Variants in PLCB1 observed in about 807,000 individuals in gnomAD.
PLCB1 encodes the protein 1-phosphatidylinositol 4,5-bisphosphate phosphodiesterase beta-1.
In PLCB1, 46 loss-of-function variants were observed where a neutral mutation model predicts 161.8. The observed-to-expected ratio is 0.28, with a 90% CI of 0.22 to 0.36. The LOEUF is 0.36. Among genes scored for constraint, PLCB1 ranks in the 10% least tolerant of loss-of-function variants. The probability of loss-of-function intolerance (pLI) is 1.00; values close to 1 mark genes in which losing one functional copy is unlikely to be tolerated. For missense variants in PLCB1, 1,016 were observed against 1,472.5 expected (o/e 0.69, Z 5.07); for synonymous variants, 517 against 503.7 (o/e 1.03, Z -0.35).
At chr20:8,732,617 G>T (rs117196138) in intron 18 of PLCB1, among the ~76,000 whole-genome samples, 8,946 of 139,834 alleles carry the variant, frequency 0.064, 401 homozygotes, top group Non-Finnish European at 0.095. Flanking sequence ...TTAGAAATTA[G>T]ATATTAGAAT....
At chr20:8,273,526 G>A (rs1325399956) in intron 2 of PLCB1, among the ~76,000 whole-genome samples, 2 of 152,022 alleles carry the variant, frequency 1.3e-5, no homozygotes, top group Admixed American at 6.6e-5. Flanking sequence ...ATATAGGCAG[G>A]CACTAATAGT....
At position 8,658,632 on chromosome 20, in the gene PLCB1, C is replaced by G; in HGVS notation, c.790C>G (p.Pro264Ala). Reference sequence around the variant, plus strand: ...TCCTCGGCTTAATGAAATACTTTATCCACCTCTAAAACAAGAGCAAGTCCA... The same window carrying G: ...TCCTCGGCTTAATGAAATACTTTATGCACCTCTAAAACAAGAGCAAGTCCA... ...RDPRLNEILY[P>A]PLKQEQVQVL... Residue 264 changes from proline to alanine, a missense_variant, in exon 9 of 32, where the codon CCA becomes GCA. Physicochemically the swap from Pro to Ala is conservative, Grantham distance 27. Transcript: ENST00000338037. 1 of 1,612,828 alleles carries G rather than the reference C, an allele frequency of 6.2e-7. No homozygotes were observed. The highest frequency in any genetic ancestry group is 8.5e-7 in the Non-Finnish European group (1 of 1,179,228).
At chr20:8,220,626 C>T (rs1242255809) in intron 2 of PLCB1, among the ~76,000 whole-genome samples, 1 of 152,148 alleles carries the variant, frequency 6.6e-6, no homozygotes, top group Non-Finnish European at 1.5e-5. Context: ...TGCCAGGAGC[C>T]ACAGAAGCTA....
chr20:8,820,796 A>G (rs1985306864), intron 31 of PLCB1, among the ~76,000 whole-genome samples: 1 of 152,238 alleles, frequency 6.6e-6, no homozygotes, highest in Non-Finnish European at 1.5e-5. Context: ...CACAACAACT[A>G]AATAAATATG....
intron 2 of PLCB1, among the ~76,000 whole-genome samples, chr20:8,333,070 G>A (rs1183378306): frequency 6.6e-6 from 1 of 152,178 alleles, no homozygotes; most frequent in Non-Finnish European, 1.5e-5. Context: ...GTGAGGAGAA[G>A]TGATGTGTGT....
At chr20:8,729,317 A>C (rs562974482) in intron 18 of PLCB1, 143 bp downstream of exon 18, 53 of 585,406 alleles carry the variant, frequency 9.1e-5, no homozygotes, top group Non-Finnish European at 1.3e-4. Flanking sequence ...GGGAATATCA[A>C]TGCATAAAAA....
intron 3 of PLCB1, among the ~76,000 whole-genome samples, chr20:8,574,113 C>T (rs1986604331): frequency 6.6e-6 from 1 of 152,202 alleles, no homozygotes; most frequent in East Asian, 1.9e-4. Context: ...ATTTAAAATG[C>T]TGTGGTTGGC....
intron 2 of PLCB1, among the ~76,000 whole-genome samples, chr20:8,314,182 A>G (rs934921190): frequency 2.6e-5 from 4 of 152,344 alleles, no homozygotes; most frequent in African/African-American, 9.6e-5. Flanking sequence ...GGAGAATTAT[A>G]TAAAGAACAA....
At position 8,659,334 on chromosome 20, in the gene PLCB1, A is replaced by G. The variant is rs373371112; in HGVS notation, c.862+630A>G. 2.4e-3 allele frequency among the ~76,000 whole-genome samples: 362 copies of G among 152,258 alleles called. 1 individual carries two copies. Among genetic ancestry groups the G allele is most frequent in the South Asian group, 0.015 (70 of 4,824 alleles). The stretch of plus-strand genomic sequence containing the variant: ...ATGAATTGCCAAAATAAGATCATGA[A>G]GATGTAATTACTGCAAATTTTCAAC... On this transcript the variant is annotated intron_variant, in intron 9 of 31. Coordinates refer to ENST00000338037, the MANE Select transcript of PLCB1 (RefSeq NM_015192.4).
intron 3 of PLCB1, among the ~76,000 whole-genome samples, chr20:8,498,556 A>T (rs1050474262): frequency 6.6e-6 from 1 of 152,172 alleles, no homozygotes; most frequent in African/African-American, 2.4e-5. Flanking sequence ...CCCCTTGGGG[A>T]TCACAATCTC....
chr20:8,434,132 A>T (rs1232372700), intron 3 of PLCB1, among the ~76,000 whole-genome samples: 1 of 152,240 alleles, frequency 6.6e-6, no homozygotes, highest in Non-Finnish European at 1.5e-5. Context: ...CATTTTTTTG[A>T]ATGAGGCAGG....
chr20:8,223,247 C>T (rs1979509006), intron 2 of PLCB1, among the ~76,000 whole-genome samples: 1 of 152,238 alleles, frequency 6.6e-6, no homozygotes, highest in African/African-American at 2.4e-5. Context: ...TGCCAAAACC[C>T]AGGCCTTCTT....
intron 31 of PLCB1, among the ~76,000 whole-genome samples, chr20:8,821,200 G>C (rs893078186): frequency 6.6e-6 from 1 of 151,760 alleles, no homozygotes; most frequent in Non-Finnish European, 1.5e-5. Context: ...TATATTTAAG[G>C]CCGGGTGCGG....
intron 3 of PLCB1, among the ~76,000 whole-genome samples, chr20:8,557,117 G>C (rs1279019252): frequency 4.0e-5 from 6 of 151,824 alleles, no homozygotes; most frequent in Non-Finnish European, 8.8e-5. Flanking sequence ...AAATGGTGCA[G>C]CCACTGTAGA....
chr20:8,782,061 G>T (rs1386311847), intron 27 of PLCB1, among the ~76,000 whole-genome samples: 1 of 152,056 alleles, frequency 6.6e-6, no homozygotes, highest in Non-Finnish European at 1.5e-5. Context: ...AAATTTCAAA[G>T]ATTATTATAA....
rs543054282 is a variant in PLCB1 at position 8,258,525 on chromosome 20, C to T, written c.177+108154C>T. ...ATTTCATACACTTGAAGAAATAGAT[C>T]TTGAGTTCAGTTTTTCCCTGCAAAG... is the stretch of plus-strand genomic sequence containing the variant. On this transcript the variant is annotated intron_variant, in intron 2 of 31. Transcript: ENST00000338037. Among the ~76,000 whole-genome samples, 7 of 152,186 alleles carry T rather than the reference C, an allele frequency of 4.6e-5. No homozygotes were observed. The South Asian group carries it at 1.5e-3, about 32-fold the overall frequency.
At chr20:8,675,133 G>A (rs6108174) in intron 9 of PLCB1, among the ~76,000 whole-genome samples, 25,283 of 151,976 alleles carry the variant, frequency 0.17, 2,420 homozygotes, top group Admixed American at 0.31. Flanking sequence ...CACCATGACG[G>A]GAGTTGGACA....
At chr20:8,478,104 G>A (rs1982355814) in intron 3 of PLCB1, among the ~76,000 whole-genome samples, 1 of 152,178 alleles carries the variant, frequency 6.6e-6, no homozygotes, top group Non-Finnish European at 1.5e-5. Context: ...TCACAGTTTT[G>A]TTAATTTGCA....
At chr20:8,853,360 C>T (rs1453947820) in intron 31 of PLCB1, among the ~76,000 whole-genome samples, 3 of 152,210 alleles carry the variant, frequency 2.0e-5, no homozygotes, top group South Asian at 4.1e-4. Context: ...AAACTTCCCT[C>T]GTGCTCCAAC....
Sources: allele counts gnomAD v4.1 joint callset (sites outside exome capture counted in the v4.1 genomes callset), GRCh38; gene constraint gnomAD v4.1.1; transcripts MANE v1.5; gene names NCBI Gene and HGNC (gene_info 2026-07-23, HGNC 2026-07-21).